The following ROR2 variants were observed in gnomAD, a reference collection of about 807,000 sequenced individuals.
ROR2 encodes tyrosine-protein kinase transmembrane receptor ROR2.
In ROR2, 33 loss-of-function variants were observed where a neutral mutation model predicts 74.9. The ratio of observed to expected loss-of-function variants is 0.44; its 90% CI spans 0.33 to 0.59. The LOEUF (loss-of-function observed/expected upper bound fraction) is 0.59, where lower values mean the gene tolerates loss of function less well. Ranked by LOEUF, ROR2 falls within the 20% of genes least tolerant of loss-of-function variation. The probability of loss-of-function intolerance (pLI) is 0.02; values close to 1 mark genes in which losing one functional copy is unlikely to be tolerated. For synonymous variants in ROR2, 586 were observed against 558.7 expected (o/e 1.05, Z -0.69); for missense variants, 1,216 against 1,313.8 (o/e 0.93, Z 1.15).
Position 91,905,801 on chromosome 9 carries a change from G to A in ROR2, c.97+44066C>T, listed in dbSNP as rs1830800436. Among the ~76,000 whole-genome samples the A allele has an allele frequency of 6.6e-6, 1 of 151,944 alleles. No homozygotes were observed. Among genetic ancestry groups the A allele is most frequent in the Admixed American group, 6.6e-5 (1 of 15,262 alleles). On this transcript the variant is annotated intron_variant, in intron 1 of 8. Transcript: ENST00000375708. The surrounding 1 kb of genome is among the most constrained non-coding windows in gnomAD (Gnocchi z 5.3). ...AATTAAAGCAAATTTGAAAGCCCAA[G>A]AACTAAGAGAGGGAGCCAATCAACT...
At chr9:91,828,839 C>T (rs968086284) in intron 1 of ROR2, among the ~76,000 whole-genome samples, 1 of 152,224 alleles carries the variant, frequency 6.6e-6, no homozygotes, top group African/African-American at 2.4e-5. Context: ...TGAGCAACCT[C>T]ATACAAGGCT....
At chr9:91,919,700 G>A (rs1831218379) in intron 1 of ROR2, among the ~76,000 whole-genome samples, 1 of 152,014 alleles carries the variant, frequency 6.6e-6, no homozygotes, top group African/African-American at 2.4e-5. Flanking sequence ...AAAGTCTACT[G>A]GCAGCTGCTT....
intron 2 of ROR2, among the ~76,000 whole-genome samples, chr9:91,774,073 G>GT (rs1353538666): frequency 6.6e-6 from 1 of 152,260 alleles, no homozygotes; most frequent in Non-Finnish European, 1.5e-5. Flanking sequence ...TGTCTGCACT[G>GT]TGGGTTAAGT....
At chr9:91,809,833 T>G (rs189988080) in intron 1 of ROR2, among the ~76,000 whole-genome samples, 1 of 152,306 alleles carries the variant, frequency 6.6e-6, no homozygotes, top group African/African-American at 2.4e-5. Context: ...CTGCTAACCT[T>G]GCTGGGAATG....
At chr9:91,814,242 C>A (rs959111759) in intron 1 of ROR2, among the ~76,000 whole-genome samples, 1 of 152,172 alleles carries the variant, frequency 6.6e-6, no homozygotes, top group Non-Finnish European at 1.5e-5. Flanking sequence ...GGAAAAAAAT[C>A]AAAGTGAAAG....
Position 91,851,848 on chromosome 9 carries a change from C to T in ROR2, c.98-76030G>A, listed in dbSNP as rs1406800044. On this transcript the variant is annotated intron_variant, in intron 1 of 8. Coordinates refer to ENST00000375708, the MANE Select transcript of ROR2 (RefSeq NM_004560.4). ...AGAATTAGCCGGATGTGGTAGTGCG[C>T]GCCTGTAATCACAGCTACTCGGGAG... 4.0e-5 allele frequency among the ~76,000 whole-genome samples: 6 copies of T among 151,808 alleles called. No homozygotes were observed. The East Asian group carries it at 9.7e-4, about 25-fold the overall frequency.
intron 3 of ROR2, among the ~76,000 whole-genome samples, chr9:91,756,752 T>C (rs973503810): frequency 5.0e-5 from 7 of 139,978 alleles, no homozygotes; most frequent in African/African-American, 1.9e-4. Context: ...TCTTTTTTTT[T>C]TTTTTTTTTT....
intron 6 of ROR2, among the ~76,000 whole-genome samples, chr9:91,731,530 C>A (rs954610340): frequency 6.6e-6 from 1 of 152,188 alleles, no homozygotes; most frequent in Non-Finnish European, 1.5e-5. Flanking sequence ...CTCAGGACAC[C>A]CTGCTCAGCC....
intron 1 of ROR2, among the ~76,000 whole-genome samples, chr9:91,811,111 G>A (rs1418878505): frequency 6.6e-6 from 1 of 152,264 alleles, no homozygotes; most frequent in African/African-American, 2.4e-5. Context: ...GGCAGCTGGG[G>A]GACAGGAAGC....
intron 2 of ROR2, 62 bp from the exon 3 acceptor site, chr9:91,757,621 T>TG: frequency 6.4e-7 from 1 of 1,570,404 alleles, no homozygotes. Context: ...AAGGGCTACC[T>TG]GGGGGCTCTG....
At chr9:91,866,376 C>T (rs1345587518) in intron 1 of ROR2, among the ~76,000 whole-genome samples, 4 of 151,414 alleles carry the variant, frequency 2.6e-5, no homozygotes, top group Non-Finnish European at 1.5e-5. Context: ...CCTCGGCCTC[C>T]CAAAGGGCTA....
intron 1 of ROR2, among the ~76,000 whole-genome samples, chr9:91,846,818 C>CT (rs1366704387): frequency 1.3e-5 from 2 of 152,192 alleles, no homozygotes; most frequent in Non-Finnish European, 2.9e-5. Context: ...GGGCTGGAGT[C>CT]TGTCTTTTCA....
rs1019598310 is a variant in ROR2, at chr9:91,778,402, G to A, written c.98-2584C>T. Among the ~76,000 whole-genome samples, 8 of 152,204 alleles carry A rather than the reference G, an allele frequency of 5.3e-5. No homozygotes were observed. The South Asian group carries it at 1.5e-3, about 28-fold the overall frequency. ...GTCGTGCGCCCTGCAACATCTCCTCGGTGCCTGTCCTGAGTCATTCTTTAC... is the reference window on the plus strand; with the variant it reads ...GTCGTGCGCCCTGCAACATCTCCTCAGTGCCTGTCCTGAGTCATTCTTTAC... On this transcript the variant is annotated intron_variant, in intron 1 of 8. Coordinates refer to ENST00000375708, the MANE Select transcript of ROR2 (RefSeq NM_004560.4).
At chr9:91,826,524 G>A (rs568853462) in intron 1 of ROR2, among the ~76,000 whole-genome samples, 246 of 152,268 alleles carry the variant, frequency 1.6e-3, no homozygotes, top group African/African-American at 5.5e-3. Flanking sequence ...CCTCACACCC[G>A]TAATCCCACC....
intron 1 of ROR2, among the ~76,000 whole-genome samples, chr9:91,780,293 C>T (rs1826567921): frequency 6.6e-6 from 1 of 151,616 alleles, no homozygotes; most frequent in Non-Finnish European, 1.5e-5. Context: ...AGGAGAATGG[C>T]GTGAAGCTGG....
At chr9:91,748,700 T>C (rs990883535) in intron 4 of ROR2, among the ~76,000 whole-genome samples, 21 of 152,214 alleles carry the variant, frequency 1.4e-4, no homozygotes, top group Admixed American at 1.1e-3. Flanking sequence ...AAGAAAGATA[T>C]GCCGGGTCGT....
At chr9:91,879,192 A>T (rs1830037241) in intron 1 of ROR2, among the ~76,000 whole-genome samples, 1 of 152,174 alleles carries the variant, frequency 6.6e-6, no homozygotes, top group South Asian at 2.1e-4. Context: ...CTCCATTTCC[A>T]GGAAGGGAGA....
At chr9:91,756,186 G>C in intron 3 of ROR2, 85 bp from the exon 4 acceptor site, 1 of 1,391,618 alleles carries the variant, frequency 7.2e-7, no homozygotes, top group Non-Finnish European at 1.0e-6. Flanking sequence ...GTGGCAAACA[G>C]GCTGAAGCCA....
At chr9:91,887,788 CTTTTT>C (rs771557997) in intron 1 of ROR2, among the ~76,000 whole-genome samples, 19 of 100,678 alleles carry the variant, frequency 1.9e-4, no homozygotes, top group Middle Eastern at 7.6e-3. Flanking sequence ...CTTTTTTTCT[CTTTTT>C]TTTTTTTTTT....
Sources: allele counts gnomAD v4.1 joint callset (sites outside exome capture counted in the v4.1 genomes callset), GRCh38; gene constraint gnomAD v4.1.1; non-coding constraint Gnocchi (gnomAD v3.1); transcripts MANE v1.5; gene names NCBI Gene and HGNC (gene_info 2026-07-23, HGNC 2026-07-21).